Variants in CTH observed in about 807,000 individuals in gnomAD.
CTH encodes cystathionine gamma-lyase.
A neutral mutation model predicts 50.6 loss-of-function variants in CTH; 41 were observed. The ratio of observed to expected loss-of-function variants is 0.81; its 90% CI spans 0.63 to 1.05. CTH has a LOEUF of 1.05. CTH is among the 50% of genes least tolerant of loss of function. The pLI, the probability that CTH is intolerant of heterozygous loss-of-function variation, is 0.00. For synonymous variants in CTH, 156 were observed against 168.9 expected, an observed-to-expected ratio of 0.92 and a Z score of 0.59; for missense variants, 470 against 492.6, an observed-to-expected ratio of 0.95 and a Z score of 0.43.
chr1:70,417,625 C>T (rs1684123099), intron 2 of CTH, among the ~76,000 whole-genome samples: 2 of 152,200 alleles, frequency 1.3e-5, no homozygotes, highest in Non-Finnish European at 2.9e-5. Flanking sequence ...TGTAGTTTAA[C>T]TGGCAATAGG....
In CTH at chr1:70,439,502, G is replaced by A. The variant is rs1181656844; in HGVS notation, c.*375G>A. 4.8e-6 allele frequency: 1 copy of A among 208,972 alleles called. No individual in the cohort carries two copies. Among genetic ancestry groups the A allele is most frequent in the African/African-American group, 2.3e-5 (1 of 42,906 alleles). The allele number at this position is 208,972 out of a possible 1,614,324, so 12.9% of individuals were successfully genotyped here. A position where few individuals can be genotyped will look rare whatever the true frequency, so the allele number is the denominator to read the frequency against. On this transcript the variant is annotated 3_prime_UTR_variant, in exon 12 of 12. Coordinates refer to ENST00000370938, the MANE Select transcript of CTH (RefSeq NM_001902.6). ...GTGAAGAATTTAAATTTAAACGAAT[G>A]TTCTTAAATCAAGTGTGATTTTTTT...
chr1:70,419,298 C>T (rs1684162628), intron 3 of CTH, among the ~76,000 whole-genome samples: 1 of 152,092 alleles, frequency 6.6e-6, no homozygotes. Flanking sequence ...GTGCATGTGT[C>T]TTTATAGCAG....
In CTH at chr1:70,411,569, C is replaced by T; in HGVS notation, c.154C>T (p.Pro52Ser). 6.2e-7 allele frequency: 1 copy of T among 1,613,862 alleles called. No individual in the cohort carries two copies. Among genetic ancestry groups the T allele is most frequent in the Non-Finnish European group, 8.5e-7 (1 of 1,179,830 alleles). Residue 52 changes from proline (P) to serine (S), a missense_variant, in exon 1 of 12, where the codon CCT (proline) becomes TCT (serine). Pro to Ser is a moderately conservative substitution (Grantham distance 74). Coordinates refer to ENST00000370938, the MANE Select transcript of CTH (RefSeq NM_001902.6). ...GTCCACCACGTTCAAGCAAGGGGCG[C>T]CTGGCCAGCACTCGGTGAGCTGGGT... is the stretch of plus-strand genomic sequence containing the variant. The part of the protein sequence containing the change: ...SLSTTFKQGA[P>S]GQHSGFEYSR...
In CTH at chr1:70,438,791, CT is replaced by C; in HGVS notation, c.1157del (p.Leu386HisfsTer5). The C allele has an allele frequency of 1.9e-6, 3 of 1,613,260 alleles. No individual in the cohort carries two copies. Among genetic ancestry groups the C allele is most frequent in the Non-Finnish European group, 1.7e-6 (2 of 1,179,904 alleles). On this transcript the variant is annotated frameshift_variant, in exon 11 of 12. Coordinates refer to ENST00000370938, the MANE Select transcript of CTH (RefSeq NM_001902.6). LOFTEE classifies it high-confidence loss of function. ...TGTGGGCTTAGAGGATGAGGAAGAC[CT>C]ACTGGAAGATCTAGATCAAGCTTTG... ...LSVGLEDEED[L>X]LEDLDQALKA...
chr1:70,415,679 T>C (rs1262936244), intron 1 of CTH, among the ~76,000 whole-genome samples: 1 of 152,208 alleles, frequency 6.6e-6, no homozygotes, highest in African/African-American at 2.4e-5. Flanking sequence ...TTTATTCCCA[T>C]TTTACAGATA....
At chr1:70,423,340 G>A (rs1684269158) in intron 4 of CTH, among the ~76,000 whole-genome samples, 1 of 151,768 alleles carries the variant, frequency 6.6e-6, no homozygotes, top group Non-Finnish European at 1.5e-5. Context: ...GGGAGGCTGA[G>A]GCAGGAGGAT....
chr1:70,414,494 CA>C (rs969405937), intron 1 of CTH, among the ~76,000 whole-genome samples: 117 of 138,770 alleles, frequency 8.4e-4, no homozygotes, highest in Admixed American at 7.9e-4. Flanking sequence ...GACTCCCTTT[CA>C]AAAAAAAAAA....
chr1:70,415,233 T>TAC (rs1401507554), intron 1 of CTH, among the ~76,000 whole-genome samples: 1 of 152,054 alleles, frequency 6.6e-6, no homozygotes, highest in Non-Finnish European at 1.5e-5. Context: ...AGACTGCCTC[T>TAC]ACAAAAAATA....
At chr1:70,416,930 T>A (rs977857930) in intron 2 of CTH, among the ~76,000 whole-genome samples, 2 of 151,964 alleles carry the variant, frequency 1.3e-5, no homozygotes, top group African/African-American at 4.8e-5. Flanking sequence ...TGGGCTCAAG[T>A]GATCTGCCCA....
chr1:70,414,349 T>C lies in CTH; in HGVS notation c.169-1607T>C, dbSNP rs1048438523. On this transcript the variant is annotated intron_variant, in intron 1 of 11. Transcript: ENST00000370938. Reference sequence around the variant, plus strand: ...CAACGTAGTGAAACCCCATCTCTACTAAAAAAGTACAAAAATTAGCTGTGT... The same window carrying C: ...CAACGTAGTGAAACCCCATCTCTACCAAAAAAGTACAAAAATTAGCTGTGT... 2.6e-5 allele frequency among the ~76,000 whole-genome samples: 4 copies of C among 151,806 alleles called. 1 individual carries two copies. Among genetic ancestry groups the C allele is most frequent in the Non-Finnish European group, 5.9e-5 (4 of 67,942 alleles).
At chr1:70,423,512 C>T (rs1198304515) in intron 4 of CTH, among the ~76,000 whole-genome samples, 1 of 151,644 alleles carries the variant, frequency 6.6e-6, no homozygotes, top group Admixed American at 6.6e-5. Flanking sequence ...TCGAAGCTGC[C>T]GTTAGCTGTG....
intron 2 of CTH, among the ~76,000 whole-genome samples, chr1:70,416,559 A>ATTTTTT (rs34806645): frequency 8.6e-6 from 1 of 115,652 alleles, no homozygotes; most frequent in Non-Finnish European, 1.8e-5. Context: ...CACCCTGCTA[A>ATTTTTT]TTTTTTTTTT....
chr1:70,423,388 T>C (rs1416355881), intron 4 of CTH, among the ~76,000 whole-genome samples: 1 of 151,148 alleles, frequency 6.6e-6, no homozygotes, highest in Middle Eastern at 3.2e-3. Flanking sequence ...AGCGAGACCC[T>C]TTCTCTGCAA....
chr1:70,435,075 A>G, intron 9 of CTH, 50 bp from the exon 10 acceptor site: 1 of 1,529,204 alleles, frequency 6.5e-7, no homozygotes, highest in African/African-American at 1.4e-5. Flanking sequence ...TTTAGATTTT[A>G]GTATTTTTAT....
In CTH at chr1:70,439,209, T is replaced by C. The variant is rs1684667358; in HGVS notation, c.*82T>C. 3.7e-6 allele frequency: 5 copies of C among 1,354,094 alleles called. No homozygotes were observed. Among genetic ancestry groups the C allele is most frequent in the Non-Finnish European group, 5.3e-6 (5 of 945,628 alleles). 83.9% of individuals were successfully genotyped at this position (1,354,094 alleles called of 1,614,324 possible). ...ATTAAATGGACCAACAATGAGCCTT[T>C]GCAAAATTTTCAAGCGGAAATTTTA... is the stretch of plus-strand genomic sequence containing the variant. On this transcript the variant is annotated 3_prime_UTR_variant, in exon 12 of 12. Transcript: ENST00000370938.
intron 5 of CTH, among the ~76,000 whole-genome samples, chr1:70,428,288 A>G (rs982451052): frequency 6.6e-6 from 1 of 152,108 alleles, no homozygotes; most frequent in African/African-American, 2.4e-5. Context: ...TTACAATTAG[A>G]AGGAGGAATA....
At chr1:70,428,042 C>T (rs534063809) in intron 5 of CTH, among the ~76,000 whole-genome samples, 1 of 150,890 alleles carries the variant, frequency 6.6e-6, no homozygotes, top group African/African-American at 2.4e-5. Context: ...GGAAAGTCTA[C>T]ACTTTTCACT....
intron 9 of CTH, 126 bp downstream of exon 9, chr1:70,434,075 C>T: frequency 2.0e-6 from 3 of 1,493,636 alleles, no homozygotes; most frequent in Non-Finnish European, 2.7e-6. Flanking sequence ...ACCTCTTTAT[C>T]ATGAAATGCA....
intron 5 of CTH, 83 bp from the exon 6 acceptor site, chr1:70,429,711 G>A (rs1684422175): frequency 1.0e-6 from 1 of 972,886 alleles, no homozygotes; most frequent in African/African-American, 1.6e-5. Context: ...GAATAAGAAT[G>A]GAATTTATAA....
Sources: gnomAD v4.1 joint callset for allele counts (sites outside exome capture counted in the v4.1 genomes callset) on GRCh38, gnomAD v4.1.1 for gene constraint, MANE v1.5 for transcripts, NCBI Gene and HGNC (gene_info 2026-07-23, HGNC 2026-07-21) for gene names.